Variants in SLC35E1 observed in about 807,000 individuals in gnomAD.
The protein encoded by SLC35E1 is solute carrier family 35 member E1.
Under a neutral mutation model 31.0 loss-of-function variants are expected in SLC35E1, and 12 were observed. The ratio of observed to expected loss-of-function variants is 0.39; its 90% confidence interval spans 0.25 to 0.63. The LOEUF is 0.63. Ranked by LOEUF, SLC35E1 falls within the 20% of genes least tolerant of loss-of-function variation. The probability of loss-of-function intolerance (pLI) is 0.52; values close to 1 mark genes in which losing one functional copy is unlikely to be tolerated. For synonymous variants in SLC35E1, 257 were observed against 264.1 expected, an observed-to-expected ratio of 0.97 and a Z score of 0.26; for missense variants, 429 against 572.2, an observed-to-expected ratio of 0.75 and a Z score of 2.55.
At chr19:16,554,893 C>T (rs773241183) in intron 5 of SLC35E1, among the ~76,000 whole-genome samples, 1 of 151,802 alleles carries the variant, frequency 6.6e-6, no homozygotes, top group Non-Finnish European at 1.5e-5. Flanking sequence ...GTCCTTACAC[C>T]GCACTAAACA....
chr19:16,560,425 G>A (rs2122332840), intron 4 of SLC35E1, among the ~76,000 whole-genome samples: 1 of 152,218 alleles, frequency 6.6e-6, no homozygotes, highest in South Asian at 2.1e-4. Context: ...ATCCTCTGAG[G>A]ACTATATGTC....
chr19:16,559,723 T>C (rs1568272618), intron 4 of SLC35E1, among the ~76,000 whole-genome samples: 1 of 152,202 alleles, frequency 6.6e-6, no homozygotes, highest in Non-Finnish European at 1.5e-5. Flanking sequence ...CTCCAGAGTC[T>C]TTACTTTGCT....
chr19:16,561,826 C>A (rs1568273250), intron 4 of SLC35E1, among the ~76,000 whole-genome samples: 1 of 152,358 alleles, frequency 6.6e-6, no homozygotes, highest in Admixed American at 6.5e-5. Flanking sequence ...CATCTTCAGA[C>A]TGCAACATTA....
chr19:16,572,278 C>CCGCGCGCCCT lies in SLC35E1; in HGVS notation c.77_86dup (p.Val30GlyfsTer161). 1 of 1,496,800 alleles carries CCGCGCGCCCT rather than the reference C, an allele frequency of 6.7e-7. No individual in the cohort carries two copies. Among genetic ancestry groups the CCGCGCGCCCT allele is most frequent in the Non-Finnish European group, 8.9e-7 (1 of 1,121,792 alleles). The allele number at this position is 1,496,800 out of a possible 1,614,324, so 92.7% of individuals were successfully genotyped here. A position where few individuals can be genotyped will look rare whatever the true frequency, so the allele number is the denominator to read the frequency against. The stretch of plus-strand genomic sequence containing the variant: ...ACCACAGCAGGCACAGCGCCGCCAC[C>CCGCGCGCCCT]CGCGCGCCCTCGCGCGCCCCACCAC... On this transcript the variant is annotated frameshift_variant, in exon 1 of 6. Coordinates refer to ENST00000595753, the MANE Select transcript of SLC35E1 (RefSeq NM_024881.5). LOFTEE classifies it high-confidence loss of function. This position sits in a 1 kb window ranked among gnomAD's most constrained non-coding sequence, Gnocchi z 4.1.
chr19:16,562,297 A>G (rs530765669), intron 4 of SLC35E1, among the ~76,000 whole-genome samples: 1 of 152,324 alleles, frequency 6.6e-6, no homozygotes, highest in South Asian at 2.1e-4. Flanking sequence ...ACACTATTAC[A>G]CAGCCGTACA....
At chr19:16,562,423 AG>A (rs2085911478) in intron 4 of SLC35E1, among the ~76,000 whole-genome samples, 1 of 152,214 alleles carries the variant, frequency 6.6e-6, no homozygotes, top group African/African-American at 2.4e-5. Flanking sequence ...GACTGGTTCT[AG>A]GGACCCCTGC....
Position 16,566,580 on chromosome 19 carries a change from G to T in SLC35E1, c.708C>A (p.Pro236=). ...LGCHAVFFMI[P]TWVLVDLSAF... is the part of the protein sequence containing the mutation. The stretch of plus-strand genomic sequence containing the variant: ...CCGAGAGGTCCACCAGAACCCAGGT[G>T]GGGATCATAAAGAAGACGGCGTGGC... Residue 236 remains proline, a synonymous_variant, in exon 4 of 6, where the codon CCC becomes CCA. Transcript: ENST00000595753. 6.2e-7 allele frequency: 1 copy of T among 1,612,802 alleles called. No individual in the cohort carries two copies.
chr19:16,567,907 G>T, intron 3 of SLC35E1, 125 bp downstream of exon 3: 1 of 1,298,386 alleles, frequency 7.7e-7, no homozygotes, highest in Non-Finnish European at 1.0e-6. Context: ...CAGCAGAATG[G>T]CAATCAAGAT....
intron 5 of SLC35E1, among the ~76,000 whole-genome samples, chr19:16,554,796 G>A (rs1399244917): frequency 6.7e-6 from 1 of 149,232 alleles, no homozygotes; most frequent in South Asian, 2.1e-4. Flanking sequence ...ATCCAGCCTG[G>A]GTGACAGAGC....
intron 2 of SLC35E1, among the ~76,000 whole-genome samples, chr19:16,569,806 G>A (rs771323454): frequency 6.6e-6 from 1 of 152,164 alleles, no homozygotes; most frequent in Non-Finnish European, 1.5e-5. Flanking sequence ...ATCGCACCAC[G>A]GCACTCCAAT....
In SLC35E1 at chr19:16,553,651, C is replaced by G. The variant is rs752140177; in HGVS notation, c.*28G>C. ...GCTGTGGGGGCCGGGGAAGGAGTCACCAACAGTCTGGTCCTGTCCTTTGGA... is the reference window on the plus strand; with the variant it reads ...GCTGTGGGGGCCGGGGAAGGAGTCAGCAACAGTCTGGTCCTGTCCTTTGGA... On this transcript the variant is annotated 3_prime_UTR_variant, in exon 6 of 6. Transcript: ENST00000595753. 7.0e-7 allele frequency: 1 copy of G among 1,435,880 alleles called. No individual in the cohort carries two copies. The highest frequency in any genetic ancestry group is 2.4e-5 in the Admixed American group (1 of 41,858). 88.9% of individuals were successfully genotyped at this position (1,435,880 alleles called of 1,614,324 possible).
intron 4 of SLC35E1, among the ~76,000 whole-genome samples, chr19:16,562,228 A>G (rs1448755826): frequency 6.6e-6 from 1 of 152,250 alleles, no homozygotes; most frequent in Non-Finnish European, 1.5e-5. Flanking sequence ...GTGTGGACAC[A>G]TACATACTCT....
In SLC35E1 at chr19:16,555,432, T is replaced by C. The variant is rs201979100; in HGVS notation, c.757-35A>G. ...CCGGAAGGTAAAGACAGCACTTCAGTGGGCAGCGGTGACCCTGCCTCCCTG... is the reference window on the plus strand; with the variant it reads ...CCGGAAGGTAAAGACAGCACTTCAGCGGGCAGCGGTGACCCTGCCTCCCTG... On this transcript the variant is annotated intron_variant, in intron 4 of 5. Coordinates refer to ENST00000595753, the MANE Select transcript of SLC35E1 (RefSeq NM_024881.5). The surrounding 1 kb of genome is among the most constrained non-coding windows in gnomAD (Gnocchi z 4.1). The C allele has an allele frequency of 8.7e-6, 14 of 1,604,858 alleles. No homozygotes were observed. Among genetic ancestry groups the C allele is most frequent in the Non-Finnish European group, 2.6e-6 (3 of 1,175,252 alleles).
chr19:16,564,896 A>T, intron 4 of SLC35E1: 1 of 313,374 alleles, frequency 3.2e-6, no homozygotes. Context: ...ATGTGAAACG[A>T]AAGTTAGAAA....
chr19:16,555,436 C>T lies in SLC35E1; in HGVS notation c.757-39G>A, dbSNP rs779916555. 3 of 1,602,282 alleles carry T rather than the reference C, an allele frequency of 1.9e-6. No homozygotes were observed. The highest frequency in any genetic ancestry group is 3.4e-5 in the Admixed American group (2 of 59,496). On this transcript the variant is annotated intron_variant, in intron 4 of 5. Coordinates refer to ENST00000595753, the MANE Select transcript of SLC35E1 (RefSeq NM_024881.5). This position sits in a 1 kb window ranked among gnomAD's most constrained non-coding sequence, Gnocchi z 4.1. ...AAGGTAAAGACAGCACTTCAGTGGG[C>T]AGCGGTGACCCTGCCTCCCTGTATC...
rs967265646 is a variant in SLC35E1, at chr19:16,550,237, G to A, written c.*3442C>T. 7 of 152,188 alleles carry A rather than the reference G, an allele frequency of 4.6e-5. No homozygotes were observed. The highest frequency in any genetic ancestry group is 1.7e-4 in the African/African-American group (7 of 41,428). 9.4% of individuals were successfully genotyped at this position (152,188 alleles called of 1,614,324 possible). ...TGGTGAACAAACATGATTCAGAAAT[G>A]CCTCCTTCTATAAAATGAAGGAGCT... On this transcript the variant is annotated 3_prime_UTR_variant, in exon 6 of 6. Coordinates refer to ENST00000595753, the MANE Select transcript of SLC35E1 (RefSeq NM_024881.5).
intron 5 of SLC35E1, among the ~76,000 whole-genome samples, chr19:16,554,742 C>T (rs1327563989): frequency 6.8e-6 from 1 of 146,206 alleles, no homozygotes; most frequent in Non-Finnish European, 1.5e-5. Flanking sequence ...CGCTTGACCC[C>T]GGGAGGCGGA....
chr19:16,554,786 A>G (rs1292290797), intron 5 of SLC35E1, among the ~76,000 whole-genome samples: 14 of 147,920 alleles, frequency 9.5e-5, no homozygotes, highest in Admixed American at 7.4e-4. Context: ...CGCCACTGCA[A>G]TCCAGCCTGG....
Position 16,566,411 on chromosome 19 carries a change from C to T in SLC35E1, c.756+121G>A, listed in dbSNP as rs2085932557. The T allele has an allele frequency of 5.8e-6, 8 of 1,369,866 alleles. No individual in the cohort carries two copies. The Admixed American group carries it at 9.0e-5, about 15-fold the overall frequency. 84.9% of individuals were successfully genotyped at this position (1,369,866 alleles called of 1,614,324 possible). ...ATTACAGAGGACTGACTGCTGAAAG[C>T]GCTGGCTGTCAGGTGCCCAAAAGAT... On this transcript the variant is annotated intron_variant, in intron 4 of 5. Coordinates refer to ENST00000595753, the MANE Select transcript of SLC35E1 (RefSeq NM_024881.5).
Sources: allele counts gnomAD v4.1 joint callset (sites outside exome capture counted in the v4.1 genomes callset), GRCh38; gene constraint gnomAD v4.1.1; non-coding constraint Gnocchi (gnomAD v3.1); transcripts MANE v1.5; gene names NCBI Gene and HGNC (gene_info 2026-07-23, HGNC 2026-07-21).